The following NTRK3 variants were observed in gnomAD, a reference collection of about 807,000 sequenced individuals.
NTRK3 encodes neurotrophic receptor tyrosine kinase 3.
Under a neutral mutation model 91.7 loss-of-function variants are expected in NTRK3, and 24 were observed. That is an observed-to-expected ratio of 0.26 (90% CI 0.19 to 0.37). NTRK3 has a LOEUF of 0.37. NTRK3 is among the 10% of genes least tolerant of loss of function. The pLI, the probability that NTRK3 is intolerant of heterozygous loss-of-function variation, is 1.00. For synonymous variants in NTRK3, 483 were observed against 404.0 expected (o/e 1.20, Z -2.34); for missense variants, 880 against 1,068.9 (o/e 0.82, Z 2.46).
At position 88,193,599 on chromosome 15, in the gene NTRK3, T is replaced by C. The variant is rs371406946; in HGVS notation, c.249-9300A>G. Among the ~76,000 whole-genome samples, 5 of 152,330 alleles carry C rather than the reference T, an allele frequency of 3.3e-5. No homozygotes were observed. The East Asian group carries it at 5.8e-4, about 18-fold the overall frequency. ...CCAGGAGGCTGTGGTTCCAGTGTTA[T>C]GCAAATAGTGACCACTAGGCGAATA... On this transcript the variant is annotated intron_variant, in intron 3 of 18. Coordinates refer to ENST00000394480, the Ensembl canonical transcript of NTRK3.
chr15:88,224,069 G>A (rs1217533956), intron 3 of NTRK3, among the ~76,000 whole-genome samples: 1 of 152,234 alleles, frequency 6.6e-6, no homozygotes, highest in Admixed American at 6.5e-5. Flanking sequence ...CTGATCTGGT[G>A]TGATCTCAGA....
At chr15:88,032,591 G>A (rs1435331195) in intron 14 of NTRK3, among the ~76,000 whole-genome samples, 2 of 152,212 alleles carry the variant, frequency 1.3e-5, no homozygotes, top group African/African-American at 4.8e-5. Context: ...CTTATTGGGA[G>A]CACCCAGGGT....
intron 3 of NTRK3, among the ~76,000 whole-genome samples, chr15:88,203,145 A>T (rs562807510): frequency 3.3e-5 from 5 of 152,296 alleles, no homozygotes; most frequent in African/African-American, 1.2e-4. Flanking sequence ...AGTTTCCCAC[A>T]GTGATTGCTA....
At chr15:87,986,610 G>A (rs2074817662) in intron 14 of NTRK3, among the ~76,000 whole-genome samples, 1 of 152,210 alleles carries the variant, frequency 6.6e-6, no homozygotes, top group Non-Finnish European at 1.5e-5. Flanking sequence ...GATACATGTA[G>A]CTCCCGTTCA....
chr15:88,073,328 A>G (rs1044823232), intron 13 of NTRK3, among the ~76,000 whole-genome samples: 2 of 152,182 alleles, frequency 1.3e-5, no homozygotes, highest in South Asian at 2.1e-4. Context: ...ATGGCCTAAA[A>G]CAGTGATTCC....
intron 5 of NTRK3, among the ~76,000 whole-genome samples, chr15:88,179,254 C>A (rs374529240): frequency 1.5e-4 from 23 of 152,256 alleles, no homozygotes; most frequent in African/African-American, 5.5e-4. Context: ...TAATGACTAG[C>A]AAAACATAGT....
chr15:88,209,505 C>T (rs1012515103), intron 3 of NTRK3, among the ~76,000 whole-genome samples: 3 of 152,140 alleles, frequency 2.0e-5, no homozygotes, highest in Non-Finnish European at 4.4e-5. Flanking sequence ...AATGGGGAAA[C>T]GGGTGACATC....
intron 13 of NTRK3, among the ~76,000 whole-genome samples, chr15:88,102,876 A>G (rs1490794006): frequency 6.6e-6 from 1 of 152,178 alleles, no homozygotes; most frequent in Non-Finnish European, 1.5e-5. Flanking sequence ...TGTTGCACAA[A>G]GGTATAACCA....
At chr15:87,865,116 A>G (rs2064629846) in exon 19 of NTRK3, 2 of 212,764 alleles carry the variant, frequency 9.4e-6, no homozygotes, top group East Asian at 1.4e-4. Flanking sequence ...TGAGCAAAAT[A>G]TTTGTGAATT....
intron 13 of NTRK3, among the ~76,000 whole-genome samples, chr15:88,055,368 G>T (rs1327706870): frequency 6.6e-6 from 1 of 152,138 alleles, no homozygotes; most frequent in African/African-American, 2.4e-5. Context: ...AGGAGAAAAA[G>T]CACTTCCCAA....
chr15:88,036,144 C>T (rs1356994818), intron 13 of NTRK3, among the ~76,000 whole-genome samples: 1 of 152,090 alleles, frequency 6.6e-6, no homozygotes, highest in Non-Finnish European at 1.5e-5. Context: ...TACCCAGTTT[C>T]CAGCACAATT....
rs543375445 is a variant in NTRK3 at position 88,129,873 on chromosome 15, T to C, written c.1205-1139A>G. 7.2e-5 allele frequency among the ~76,000 whole-genome samples: 11 copies of C among 152,304 alleles called. No individual in the cohort carries two copies. In the East Asian group the frequency reaches 1.3e-3, roughly 19 times the overall value. On this transcript the variant is annotated intron_variant, in intron 10 of 18. Transcript: ENST00000394480. ...CCTAGTACTTCAGAATGTGACTATC[T>C]GGAGAAAAGGTCTTTAAAGATGTAT...
At chr15:88,142,751 C>A (rs960187933) in intron 6 of NTRK3, among the ~76,000 whole-genome samples, 2 of 152,220 alleles carry the variant, frequency 1.3e-5, no homozygotes, top group African/African-American at 4.8e-5. Context: ...CAAGTGAATA[C>A]ACTGGGTTTA....
At chr15:88,003,254 C>T (rs2076245211) in intron 14 of NTRK3, among the ~76,000 whole-genome samples, 1 of 152,200 alleles carries the variant, frequency 6.6e-6, no homozygotes, top group Admixed American at 6.5e-5. Context: ...GTAGAAGCAG[C>T]CAACTATGAG....
intron 17 of NTRK3, chr15:87,916,452 T>C: frequency 5.7e-6 from 4 of 698,948 alleles, no homozygotes; most frequent in Non-Finnish European, 1.0e-5. Flanking sequence ...TTTCCTCTCC[T>C]TTCCCGAGGA....
chr15:87,924,205 G>T (rs2068106251), intron 17 of NTRK3, among the ~76,000 whole-genome samples: 1 of 152,136 alleles, frequency 6.6e-6, no homozygotes, highest in Non-Finnish European at 1.5e-5. Context: ...ATACAGTCAG[G>T]AATTATAGGA....
chr15:87,870,067 C>T (rs981946927), exon 19 of NTRK3: 3 of 187,500 alleles, frequency 1.6e-5, no homozygotes, highest in African/African-American at 7.0e-5. Context: ...AGTCATTATA[C>T]ATAAGAGATA....
At position 88,135,080 on chromosome 15, in the gene NTRK3, A is replaced by G; in HGVS notation, c.1204+21T>C. Reference sequence around the variant, plus strand: ...TGTAGAAAGAATCCATACACCTCCGATCCAGCTACGCTGCCCTCACCTGGA... The same window carrying G: ...TGTAGAAAGAATCCATACACCTCCGGTCCAGCTACGCTGCCCTCACCTGGA... On this transcript the variant is annotated intron_variant, in intron 10 of 18. Coordinates refer to ENST00000394480, the Ensembl canonical transcript of NTRK3. The G allele has an allele frequency of 1.9e-6, 3 of 1,614,000 alleles. No individual in the cohort carries two copies. The South Asian group carries it at 3.3e-5, about 18-fold the overall frequency.
At position 88,214,975 on chromosome 15, in the gene NTRK3, C is replaced by G. The variant is rs1452051343; in HGVS notation, c.249-30676G>C. 2.0e-5 allele frequency among the ~76,000 whole-genome samples: 3 copies of G among 152,168 alleles called. No homozygotes were observed. The East Asian group carries it at 5.8e-4, about 29-fold the overall frequency. ...ACTTTCTGGGCCTTGCCCTGCTCCC[C>G]ACTCCTCTGCCCGGTTTCCTCCCAC... On this transcript the variant is annotated intron_variant, in intron 3 of 18. Coordinates refer to ENST00000394480, the Ensembl canonical transcript of NTRK3.
Sources: allele counts gnomAD v4.1 joint callset (sites outside exome capture counted in the v4.1 genomes callset), GRCh38; gene constraint gnomAD v4.1.1; transcripts MANE v1.5; gene names NCBI Gene and HGNC (gene_info 2026-07-23, HGNC 2026-07-21).